ARCN1: variants seen among roughly 807,000 people sequenced by gnomAD.
The protein encoded by ARCN1 is archain 1 coat protein complex I subunit delta, also known as coatomer subunit delta.
A neutral mutation model predicts 60.4 loss-of-function variants in ARCN1; 5 were observed. That is an observed-to-expected ratio of 0.08 (90% CI 0.04 to 0.17). The LOEUF (loss-of-function observed/expected upper bound fraction) is 0.17, where lower values mean the gene tolerates loss of function less well. Ranked by LOEUF, ARCN1 falls within the 10% of genes least tolerant of loss-of-function variation. ARCN1 has a pLI of 1.00. For synonymous variants in ARCN1, 224 were observed against 220.0 expected (o/e 1.02, Z -0.16); for missense variants, 464 against 626.5 (o/e 0.74, Z 2.77).
intron 1 of ARCN1, among the ~76,000 whole-genome samples, chr11:118,577,984 T>C (rs868967052): frequency 1.3e-5 from 2 of 151,934 alleles, no homozygotes; most frequent in South Asian, 4.1e-4. Flanking sequence ...GGCAAAACCC[T>C]GTCTCTATTA....
chr11:118,600,164 T>G (rs897587744), intron 9 of ARCN1, among the ~76,000 whole-genome samples: 7 of 152,214 alleles, frequency 4.6e-5, no homozygotes, highest in Non-Finnish European at 8.8e-5. Flanking sequence ...AAAACCTCAT[T>G]GGACCAGCCA....
intron 9 of ARCN1, among the ~76,000 whole-genome samples, chr11:118,600,100 G>T (rs1160840500): frequency 6.6e-6 from 1 of 152,156 alleles, no homozygotes; most frequent in Non-Finnish European, 1.5e-5. Context: ...GCCGTTATAG[G>T]TACCATTGTT....
chr11:118,580,924 G>T (rs554370054), intron 1 of ARCN1, among the ~76,000 whole-genome samples: 1 of 152,138 alleles, frequency 6.6e-6, no homozygotes, highest in Non-Finnish European at 1.5e-5. Context: ...CTTGAACCCA[G>T]GAGTTCAAGA....
chr11:118,585,364 C>T (rs1057248373), intron 5 of ARCN1, among the ~76,000 whole-genome samples: 3 of 152,106 alleles, frequency 2.0e-5, no homozygotes, highest in Non-Finnish European at 2.9e-5. Context: ...CTTGTAGTCA[C>T]ACCTGGTATA....
At chr11:118,579,197 T>C (rs1938593791) in intron 1 of ARCN1, among the ~76,000 whole-genome samples, 1 of 152,022 alleles carries the variant, frequency 6.6e-6, no homozygotes, top group South Asian at 2.1e-4. Flanking sequence ...ATTTTCTCAC[T>C]CCCAGTCATT....
chr11:118,600,511 A>G (rs1252836823), intron 9 of ARCN1, 114 bp from the exon 10 acceptor site: 5 of 640,336 alleles, frequency 7.8e-6, no homozygotes, highest in South Asian at 2.1e-5. Flanking sequence ...AGTATTTTAC[A>G]GTTACTTTTA....
intron 1 of ARCN1, among the ~76,000 whole-genome samples, chr11:118,573,980 T>C (rs1938421586): frequency 6.6e-6 from 1 of 152,240 alleles, no homozygotes; most frequent in Non-Finnish European, 1.5e-5. Flanking sequence ...AGTTAAGGTC[T>C]TGTATTATAT....
In ARCN1 at chr11:118,588,745, C is replaced by T. The variant is rs376965472; in HGVS notation, c.819-1596C>T. On this transcript the variant is annotated intron_variant, in intron 5 of 9. Transcript: ENST00000264028. ...TTAAACAACAACAACAGGCTGGGTG[C>T]GGTGGCTCACGCCTGTAATCCCAAC... Among the ~76,000 whole-genome samples, 21 of 150,266 alleles carry T rather than the reference C, an allele frequency of 1.4e-4. 1 individual carries two copies. In the South Asian group the frequency reaches 1.7e-3, roughly 12 times the overall value.
intron 5 of ARCN1, among the ~76,000 whole-genome samples, chr11:118,585,686 T>C (rs1433002239): frequency 3.3e-5 from 5 of 151,924 alleles, no homozygotes; most frequent in Admixed American, 2.0e-4. Flanking sequence ...ACTACAGGCA[T>C]GCACCACCAC....
chr11:118,596,021 C>G (rs990898166), intron 8 of ARCN1, among the ~76,000 whole-genome samples: 8 of 151,488 alleles, frequency 5.3e-5, no homozygotes, highest in African/African-American at 1.9e-4. Context: ...GAGCTGAGAT[C>G]GCGCCACTGC....
chr11:118,580,796 T>G (rs1357103668), intron 1 of ARCN1, among the ~76,000 whole-genome samples: 1 of 152,178 alleles, frequency 6.6e-6, no homozygotes, highest in Non-Finnish European at 1.5e-5. Context: ...GTGCTGAGTT[T>G]ACAGGTGTGA....
chr11:118,597,637 TG>T, intron 8 of ARCN1, 69 bp from the exon 9 acceptor site: 1 of 1,550,182 alleles, frequency 6.5e-7, no homozygotes, highest in South Asian at 1.2e-5. Flanking sequence ...ATATCAAATT[TG>T]GGGTTGGTTT....
At chr11:118,584,834 A>T (rs1002758632) in intron 5 of ARCN1, among the ~76,000 whole-genome samples, 190 bp downstream of exon 5, 1 of 150,634 alleles carries the variant, frequency 6.6e-6, no homozygotes, top group South Asian at 2.1e-4. Context: ...TTATTTACTT[A>T]TTTTTTTTTG....
Position 118,584,372 on chromosome 11 carries a change from T to C in ARCN1, c.654-108T>C, listed in dbSNP as rs1555075153. 18 of 984,024 alleles carry C rather than the reference T, an allele frequency of 1.8e-5. No individual in the cohort carries two copies. The South Asian group carries it at 3.3e-4, about 18-fold the overall frequency. The allele number at this position is 984,024 out of a possible 1,614,324, so 61.0% of individuals were successfully genotyped here. On this transcript the variant is annotated intron_variant, in intron 4 of 9. Coordinates refer to ENST00000264028, the MANE Select transcript of ARCN1 (RefSeq NM_001655.5). ...ATTACCCAAAATTATATACAAAATT[T>C]TGTGCACAGGTGTATTTCTCTGGAC... is the stretch of plus-strand genomic sequence containing the variant.
intron 6 of ARCN1, among the ~76,000 whole-genome samples, chr11:118,591,504 G>C (rs1279346325): frequency 1.3e-5 from 2 of 152,120 alleles, no homozygotes; most frequent in African/African-American, 4.8e-5. Context: ...CAGTTCTCCT[G>C]CCTCAGCCTG....
intron 2 of ARCN1, among the ~76,000 whole-genome samples, chr11:118,582,759 G>C (rs1164478890): frequency 6.8e-6 from 1 of 146,622 alleles, no homozygotes; most frequent in Non-Finnish European, 1.5e-5. Context: ...CAGGGAGTTA[G>C]GCTGGGCGCA....
intron 8 of ARCN1, among the ~76,000 whole-genome samples, chr11:118,594,321 A>G (rs1938978881): frequency 6.6e-6 from 1 of 152,048 alleles, no homozygotes; most frequent in Admixed American, 6.5e-5. Context: ...GCTGATCTCA[A>G]ACTCCTGAGC....
At position 118,593,685 on chromosome 11, in the gene ARCN1, A is replaced by T. The variant is rs1938962819; in HGVS notation, c.1228A>T (p.Thr410Ser). Residue 410 changes from threonine (T) to serine (S), a missense_variant, in exon 8 of 10, where the codon ACC becomes TCC. Thr to Ser is a moderately conservative substitution (Grantham distance 58, BLOSUM62 1). Around this residue, in one of 2 missense-constraint regions of ARCN1, gnomAD observed 359 missense variants for 440.2 expected, o/e 0.82. Transcript: ENST00000264028. ...DNLELNDVVI[T>S]IPLPSGVGAP... is the part of the protein sequence containing the mutation. Reference sequence around the variant, plus strand: ...TTTAGAACTGAATGATGTGGTTATCACCATCCCACTCCCGTAAGTGCTGTC... The same window carrying T: ...TTTAGAACTGAATGATGTGGTTATCTCCATCCCACTCCCGTAAGTGCTGTC... 6.2e-7 allele frequency: 1 copy of T among 1,608,866 alleles called. No individual in the cohort carries two copies. Among genetic ancestry groups the T allele is most frequent in the African/African-American group, 1.3e-5 (1 of 74,898 alleles).
chr11:118,595,982 G>A (rs1939017463), intron 8 of ARCN1, among the ~76,000 whole-genome samples: 1 of 152,126 alleles, frequency 6.6e-6, no homozygotes, highest in South Asian at 2.1e-4. Context: ...CAGGAGAATG[G>A]TGTGAAGCCG....
Sources: allele counts gnomAD v4.1 joint callset (sites outside exome capture counted in the v4.1 genomes callset), GRCh38; gene constraint gnomAD v4.1.1; regional missense constraint gnomAD v4.1.1; transcripts MANE v1.5; gene names NCBI Gene and HGNC (gene_info 2026-07-23, HGNC 2026-07-21).